The following ADAMTS17 variants were observed in gnomAD, a reference collection of about 807,000 sequenced individuals.
The protein encoded by ADAMTS17 is ADAM metallopeptidase with thrombospondin type 1 motif 17, also known as A disintegrin and metalloproteinase with thrombospondin motifs 17.
In ADAMTS17, 113 loss-of-function variants were observed where a neutral mutation model predicts 141.5. The ratio of observed to expected loss-of-function variants is 0.80; its 90% CI spans 0.69 to 0.93. The LOEUF (loss-of-function observed/expected upper bound fraction) is 0.93. ADAMTS17 is among the 40% of genes least tolerant of loss of function. The pLI, the probability that ADAMTS17 is intolerant of heterozygous loss-of-function variation, is 0.00. For missense variants in ADAMTS17, 1,659 were observed against 1,517.9 expected (o/e 1.09, Z -1.54); for synonymous variants, 768 against 630.6 (o/e 1.22, Z -3.27).
At chr15:100,282,129 T>C (rs28459435) in intron 3 of ADAMTS17, among the ~76,000 whole-genome samples, 2,671 of 152,320 alleles carry the variant, frequency 0.018, 94 homozygotes, top group African/African-American at 0.061. Flanking sequence ...AAATCTGCCA[T>C]AGTCTTTGTA....
intron 8 of ADAMTS17, among the ~76,000 whole-genome samples, chr15:100,179,631 C>G (rs2141520430): frequency 6.6e-6 from 1 of 152,270 alleles, no homozygotes; most frequent in East Asian, 1.9e-4. Flanking sequence ...AAACTGTTCT[C>G]CATAGTGGTG....
At chr15:100,019,073 G>A (rs8026632) in intron 18 of ADAMTS17, among the ~76,000 whole-genome samples, 1,647 of 152,244 alleles carry the variant, frequency 0.011, 31 homozygotes, top group African/African-American at 0.038. Flanking sequence ...CGTGTCCATC[G>A]ATGGCAGAAT....
chr15:100,074,294 T>A (rs1039303756), intron 15 of ADAMTS17: 2 of 152,228 alleles, frequency 1.3e-5, no homozygotes, highest in African/African-American at 4.8e-5. Context: ...ACAAGAATGC[T>A]TACAGTGTTT....
At position 100,067,148 on chromosome 15, in the gene ADAMTS17, G is replaced by A. The variant is rs186438951; in HGVS notation, c.2138-13094C>T. Among the ~76,000 whole-genome samples the A allele has an allele frequency of 2.9e-3, 435 of 151,180 alleles. 1 individual carries two copies. The highest frequency in any genetic ancestry group is 0.014 in the Middle Eastern group (4 of 290). The stretch of plus-strand genomic sequence containing the variant: ...TCTAAGTGTCGTTCCTTTCTAAGTG[G>A]CCCATCTGTCTCAGCAATATTCCTT... On this transcript the variant is annotated intron_variant, in intron 15 of 21. Transcript: ENST00000268070.
intron 18 of ADAMTS17, among the ~76,000 whole-genome samples, chr15:99,999,243 A>G (rs1380873537): frequency 6.6e-6 from 1 of 152,192 alleles, no homozygotes; most frequent in African/African-American, 2.4e-5. Context: ...ATAGCCACTG[A>G]ACCATATATA....
chr15:100,272,428 A>T (rs1044872735), intron 4 of ADAMTS17, among the ~76,000 whole-genome samples: 1 of 151,676 alleles, frequency 6.6e-6, no homozygotes, highest in Non-Finnish European at 1.5e-5. Context: ...TTAATTCCTA[A>T]GTATTTTATT....
chr15:100,339,624 TCCACATTCCCC>T (rs1429445489), intron 2 of ADAMTS17, among the ~76,000 whole-genome samples: 11 of 80,592 alleles, frequency 1.4e-4, no homozygotes, highest in Non-Finnish European at 2.3e-4. Context: ...CCGCCCCAGG[TCCACATTCCCC>T]GCCCCAGGTC....
At chr15:100,057,526 T>C (rs985878849) in intron 15 of ADAMTS17, among the ~76,000 whole-genome samples, 20 of 152,146 alleles carry the variant, frequency 1.3e-4, no homozygotes, top group African/African-American at 4.8e-4. Flanking sequence ...TGCCCTGAGC[T>C]GGGGCCCCAG....
chr15:100,178,094 T>C (rs1053331526), intron 8 of ADAMTS17, among the ~76,000 whole-genome samples: 4 of 152,182 alleles, frequency 2.6e-5, no homozygotes, highest in African/African-American at 4.8e-5. Context: ...AGGGAGCAGA[T>C]AGTTAGGTCA....
At position 100,109,139 on chromosome 15, in the gene ADAMTS17, A is replaced by C. The variant is rs1443426273; in HGVS notation, c.1889-23T>G. On this transcript the variant is annotated intron_variant, in intron 13 of 21. Transcript: ENST00000268070. Reference sequence around the variant, plus strand: ...TATCTGAGGAGGGAAAGGTTGGAGGACGTTGACACGGGAAGGTGTGCGTGG... The same window carrying C: ...TATCTGAGGAGGGAAAGGTTGGAGGCCGTTGACACGGGAAGGTGTGCGTGG... 1.9e-6 allele frequency: 3 copies of C among 1,594,268 alleles called. No individual in the cohort carries two copies. The African/African-American group carries it at 4.0e-5, about 21-fold the overall frequency.
intron 12 of ADAMTS17, among the ~76,000 whole-genome samples, chr15:100,120,007 T>C (rs1226986639): frequency 1.3e-5 from 2 of 152,182 alleles, no homozygotes; most frequent in African/African-American, 4.8e-5. Context: ...ATCTCCCAAA[T>C]ATCTGGGTTC....
At chr15:100,192,243 C>T (rs2040946847) in intron 8 of ADAMTS17, among the ~76,000 whole-genome samples, 1 of 152,150 alleles carries the variant, frequency 6.6e-6, no homozygotes, top group South Asian at 2.1e-4. Context: ...TCAAGCACCA[C>T]CAACCAATTA....
At chr15:100,223,022 C>T (rs936449219) in intron 7 of ADAMTS17, among the ~76,000 whole-genome samples, 3 of 152,206 alleles carry the variant, frequency 2.0e-5, no homozygotes, top group Non-Finnish European at 4.4e-5. Context: ...ACTCAGCGCT[C>T]TCACCCTATT....
At chr15:100,111,338 C>T (rs981886648) in intron 13 of ADAMTS17, among the ~76,000 whole-genome samples, 1 of 152,352 alleles carries the variant, frequency 6.6e-6, no homozygotes, top group African/African-American at 2.4e-5. Context: ...AGGAATGACT[C>T]ATTTCCCGTG....
chr15:100,309,057 G>A (rs928283812), intron 3 of ADAMTS17, among the ~76,000 whole-genome samples: 1 of 152,244 alleles, frequency 6.6e-6, no homozygotes, highest in Non-Finnish European at 1.5e-5. Context: ...GCTGGACGCT[G>A]CATGCCCACA....
At chr15:100,244,108 T>C (rs1000364197) in intron 7 of ADAMTS17, among the ~76,000 whole-genome samples, 2 of 152,004 alleles carry the variant, frequency 1.3e-5, no homozygotes, top group Non-Finnish European at 2.9e-5. Flanking sequence ...ACATCTTACA[T>C]GGTGGCAGGC....
rs376009030 is a variant in ADAMTS17, at chr15:99,997,463, C to T, written c.2718G>A (p.Pro906=). The change falls in exon 19 of 22, where the codon CCG becomes CCA. Residue 906 remains proline, a synonymous_variant. Coordinates refer to ENST00000268070, the MANE Select transcript of ADAMTS17 (RefSeq NM_139057.4). The surrounding 1 kb of genome is among the most constrained non-coding windows in gnomAD (Gnocchi z 4.7). ...THVATRPLYC[P]GPRPAAVQSC... ...TCTGCACTGCCGCCGGCCGGGGGCC[C>T]GGGCAGTAGAGGGGCCGCGTAGCGA... 4.9e-5 allele frequency: 79 copies of T among 1,613,456 alleles called. No homozygotes were observed. Among genetic ancestry groups the T allele is most frequent in the African/African-American group, 1.7e-4 (13 of 74,926 alleles).
chr15:100,219,442 A>G (rs941552682), intron 7 of ADAMTS17, among the ~76,000 whole-genome samples: 1 of 152,240 alleles, frequency 6.6e-6, no homozygotes, highest in African/African-American at 2.4e-5. Context: ...TTATAAGAGT[A>G]TAACATGGTA....
chr15:100,185,017 A>C (rs920240233), intron 8 of ADAMTS17, among the ~76,000 whole-genome samples: 6 of 152,200 alleles, frequency 3.9e-5, no homozygotes, highest in African/African-American at 1.4e-4. Flanking sequence ...CTGGGCCAAG[A>C]GCGCCTGCCT....
Sources: gnomAD v4.1 joint callset for allele counts (sites outside exome capture counted in the v4.1 genomes callset) on GRCh38, gnomAD v4.1.1 for gene constraint, Gnocchi (gnomAD v3.1) non-coding constraint, MANE v1.5 for transcripts, NCBI Gene and HGNC (gene_info 2026-07-23, HGNC 2026-07-21) for gene names.